Variants in DLGAP2 observed in about 807,000 individuals in gnomAD.
DLGAP2 encodes DLG associated protein 2, also known as disks large-associated protein 2.
A neutral mutation model predicts 100.3 loss-of-function variants in DLGAP2; 26 were observed. The ratio of observed to expected loss-of-function variants is 0.26; its 90% confidence interval spans 0.19 to 0.36. The LOEUF is 0.36. Ranked by LOEUF, DLGAP2 falls within the 10% of genes least tolerant of loss-of-function variation. DLGAP2 has a pLI of 1.00. For synonymous variants in DLGAP2, 886 were observed against 630.1 expected, an observed-to-expected ratio of 1.41 and a Z score of -6.08; for missense variants, 1,858 against 1,453.2, an observed-to-expected ratio of 1.28 and a Z score of -4.53.
chr8:871,199 G>T (rs1797590291), intron 1 of DLGAP2, among the ~76,000 whole-genome samples: 1 of 152,192 alleles, frequency 6.6e-6, no homozygotes, highest in Non-Finnish European at 1.5e-5. Flanking sequence ...CACAGAGAAG[G>T]CCGGTTGCAG....
At chr8:1,392,468 G>A (rs569376746) in intron 3 of DLGAP2, among the ~76,000 whole-genome samples, 14 of 152,336 alleles carry the variant, frequency 9.2e-5, no homozygotes, top group African/African-American at 1.7e-4. Flanking sequence ...TGACTTGGAC[G>A]CCGCGTGGTC....
At position 878,933 on chromosome 8, in the gene DLGAP2, G is replaced by C. The variant is rs181939842; in HGVS notation, c.19-28979G>C. 4.6e-5 allele frequency among the ~76,000 whole-genome samples: 7 copies of C among 152,242 alleles called. No individual in the cohort carries two copies. The East Asian group carries it at 1.3e-3, about 29-fold the overall frequency. ...TGCAGATTACCCTGCCTCAGATACT[G>C]TGTTATAGCAACACAAAAGGGACTA... On this transcript the variant is annotated intron_variant, in intron 1 of 14. Coordinates refer to ENST00000637795, the MANE Select transcript of DLGAP2 (RefSeq NM_001346810.2).
At chr8:1,648,104 T>C (rs557830467) in intron 8 of DLGAP2, among the ~76,000 whole-genome samples, 2 of 152,336 alleles carry the variant, frequency 1.3e-5, no homozygotes, top group Admixed American at 1.3e-4. Context: ...CACACCAGGC[T>C]CAATAAATAT....
intron 6 of DLGAP2, among the ~76,000 whole-genome samples, chr8:1,620,050 C>T (rs911951456): frequency 2.0e-5 from 3 of 152,186 alleles, no homozygotes; most frequent in Admixed American, 6.5e-5. Context: ...CTTCATCCCC[C>T]CATCCAAGAA....
intron 2 of DLGAP2, among the ~76,000 whole-genome samples, chr8:1,063,973 A>G (rs1803167511): frequency 6.6e-6 from 1 of 152,188 alleles, no homozygotes; most frequent in African/African-American, 2.4e-5. Context: ...GTCGTCTGCC[A>G]TGCATGCCAT....
At chr8:1,131,088 T>A (rs927517301) in intron 2 of DLGAP2, among the ~76,000 whole-genome samples, 1 of 152,188 alleles carries the variant, frequency 6.6e-6, no homozygotes, top group Non-Finnish European at 1.5e-5. Flanking sequence ...TGTTTTTTAA[T>A]GTTTTGGGAA....
intron 2 of DLGAP2, among the ~76,000 whole-genome samples, chr8:995,178 C>T (rs1270092147): frequency 2.0e-5 from 3 of 152,184 alleles, no homozygotes; most frequent in African/African-American, 7.2e-5. Flanking sequence ...TCACATTATA[C>T]TGTATAAAGC....
chr8:957,439 C>T (rs1352569944), intron 2 of DLGAP2, among the ~76,000 whole-genome samples: 4 of 152,156 alleles, frequency 2.6e-5, no homozygotes, highest in Admixed American at 6.5e-5. Flanking sequence ...ATTTTTCACC[C>T]GTGACTCCAT....
intron 6 of DLGAP2, among the ~76,000 whole-genome samples, chr8:1,606,483 C>G (rs1293883673): frequency 2.6e-5 from 4 of 152,166 alleles, no homozygotes; most frequent in African/African-American, 7.2e-5. Context: ...CCCCACAATA[C>G]TGTATCTTTG....
intron 4 of DLGAP2, among the ~76,000 whole-genome samples, chr8:1,545,513 T>G (rs1801504390): frequency 6.6e-6 from 1 of 152,192 alleles, no homozygotes; most frequent in African/African-American, 2.4e-5. Flanking sequence ...ATTAGGAAAC[T>G]AAGATGCTTT....
intron 2 of DLGAP2, among the ~76,000 whole-genome samples, chr8:1,135,340 A>G (rs1222926183): frequency 6.6e-6 from 1 of 152,220 alleles, no homozygotes; most frequent in Non-Finnish European, 1.5e-5. Flanking sequence ...CATAAAAACA[A>G]AAGCAAAGCT....
chr8:1,252,929 G>C (rs1001769538), intron 2 of DLGAP2, among the ~76,000 whole-genome samples: 1 of 152,218 alleles, frequency 6.6e-6, no homozygotes, highest in African/African-American at 2.4e-5. Flanking sequence ...GAGGACAGAG[G>C]ACGGGGGAGG....
At chr8:870,976 C>T (rs1028653994) in intron 1 of DLGAP2, among the ~76,000 whole-genome samples, 1 of 152,190 alleles carries the variant, frequency 6.6e-6, no homozygotes, top group African/African-American at 2.4e-5. Context: ...GTATCTGGCA[C>T]CTGAGCTCAA....
At chr8:857,334 T>C (rs1048275247) in intron 1 of DLGAP2, among the ~76,000 whole-genome samples, 1 of 152,176 alleles carries the variant, frequency 6.6e-6, no homozygotes, top group African/African-American at 2.4e-5. Context: ...AAAATTGAAA[T>C]TGGACTTCAT....
At chr8:1,503,321 C>T (rs924020850) in intron 4 of DLGAP2, among the ~76,000 whole-genome samples, 2 of 152,176 alleles carry the variant, frequency 1.3e-5, no homozygotes, top group Non-Finnish European at 2.9e-5. Context: ...CCCCATTCTG[C>T]TTTCTGTCTC....
chr8:988,807 A>T (rs1800563422), intron 2 of DLGAP2, among the ~76,000 whole-genome samples: 1 of 151,950 alleles, frequency 6.6e-6, no homozygotes, highest in Non-Finnish European at 1.5e-5. Context: ...TCTCCTGACC[A>T]ATCCTGCTTT....
At position 787,049 on chromosome 8, in the gene DLGAP2, T is replaced by A. The variant is rs549475456; in HGVS notation, c.18+49224T>A. 6.6e-5 allele frequency among the ~76,000 whole-genome samples: 10 copies of A among 152,330 alleles called. No individual in the cohort carries two copies. The South Asian group carries it at 1.9e-3, about 28-fold the overall frequency. On this transcript the variant is annotated intron_variant, in intron 1 of 14. Transcript: ENST00000637795. ...TTGGCTTTCCTTTCTTCATTTAGTT[T>A]TGTTATTAAAGAAGCCACAGAACTT...
intron 1 of DLGAP2, among the ~76,000 whole-genome samples, chr8:872,824 C>G (rs1413529463): frequency 6.6e-6 from 1 of 152,198 alleles, no homozygotes; most frequent in Non-Finnish European, 1.5e-5. Flanking sequence ...TCTCTGTCCT[C>G]CACCCCTGCC....
intron 1 of DLGAP2, among the ~76,000 whole-genome samples, chr8:905,452 C>CA (rs1046515119): frequency 2.6e-5 from 4 of 152,058 alleles, no homozygotes; most frequent in Non-Finnish European, 5.9e-5. Context: ...CAAGCGATTC[C>CA]CCCCCCACAG....
Sources: allele counts gnomAD v4.1 joint callset (sites outside exome capture counted in the v4.1 genomes callset), GRCh38; gene constraint gnomAD v4.1.1; transcripts MANE v1.5; gene names NCBI Gene and HGNC (gene_info 2026-07-23, HGNC 2026-07-21).